SERPINB7: variants seen among roughly 807,000 people sequenced by gnomAD.
SERPINB7 encodes serpin family B member 7.
SERPINB7 carries 31 observed loss-of-function variants against 37.4 expected under a neutral mutation model. The ratio of observed to expected loss-of-function variants is 0.83; its 90% CI spans 0.62 to 1.12. The LOEUF (loss-of-function observed/expected upper bound fraction) is 1.12. Among genes scored for constraint, SERPINB7 ranks in the 50% most tolerant of loss-of-function variants. The pLI is 0.00. For synonymous variants in SERPINB7, 163 were observed against 166.1 expected, an observed-to-expected ratio of 0.98 and a Z score of 0.14; for missense variants, 521 against 455.3, an observed-to-expected ratio of 1.14 and a Z score of -1.31.
chr18:63,763,018 G>A (rs1005259210), intron 1 of SERPINB7, among the ~76,000 whole-genome samples: 5 of 152,110 alleles, frequency 3.3e-5, no homozygotes, highest in Non-Finnish European at 7.4e-5. Flanking sequence ...CTCAGTAAAA[G>A]GGGGGTTTCA....
At chr18:63,786,515 A>G (rs2049374763) in intron 2 of SERPINB7, among the ~76,000 whole-genome samples, 1 of 152,210 alleles carries the variant, frequency 6.6e-6, no homozygotes, top group African/African-American at 2.4e-5. Context: ...AAAAATAATC[A>G]CTATAATATA....
chr18:63,797,008 T>A (rs368782455), intron 5 of SERPINB7, among the ~76,000 whole-genome samples: 1 of 152,210 alleles, frequency 6.6e-6, no homozygotes, highest in Non-Finnish European at 1.5e-5. Context: ...ACAAAGGTAG[T>A]ACCTTCCAGA....
chr18:63,760,706 GA>G (rs1489743937), intron 1 of SERPINB7, among the ~76,000 whole-genome samples: 1 of 152,212 alleles, frequency 6.6e-6, no homozygotes, highest in Non-Finnish European at 1.5e-5. Context: ...AGCAGTGGCT[GA>G]AAGGGGCCAA....
intron 1 of SERPINB7, among the ~76,000 whole-genome samples, chr18:63,754,831 GAA>G (rs2049111125): frequency 6.7e-6 from 1 of 148,940 alleles, no homozygotes; most frequent in African/African-American, 2.5e-5. Context: ...GACAGGCAGG[GAA>G]AATGTCCTAA....
chr18:63,788,850 T>A (rs2049398485), intron 2 of SERPINB7, among the ~76,000 whole-genome samples: 1 of 152,232 alleles, frequency 6.6e-6, no homozygotes, highest in South Asian at 2.1e-4. Flanking sequence ...CAGGTTTGTA[T>A]TTGGGAGCAA....
intron 2 of SERPINB7, among the ~76,000 whole-genome samples, chr18:63,784,344 G>A (rs373498232): frequency 3.3e-5 from 5 of 152,018 alleles, no homozygotes; most frequent in East Asian, 3.9e-4. Flanking sequence ...ACAACTACCC[G>A]CAGCATACCC....
chr18:63,784,140 G>A (rs1161520702), intron 2 of SERPINB7, among the ~76,000 whole-genome samples: 1 of 152,166 alleles, frequency 6.6e-6, no homozygotes, highest in African/African-American at 2.4e-5. Flanking sequence ...ACTGAAGTGG[G>A]AATATTACCC....
chr18:63,785,127 C>T (rs2049351392), intron 2 of SERPINB7, among the ~76,000 whole-genome samples: 1 of 152,210 alleles, frequency 6.6e-6, no homozygotes, highest in African/African-American at 2.4e-5. Context: ...CAACTACAGA[C>T]ACAAAAACAT....
intron 4 of SERPINB7, among the ~76,000 whole-genome samples, chr18:63,793,719 T>C (rs1209985889): frequency 6.6e-6 from 1 of 152,206 alleles, no homozygotes; most frequent in African/African-American, 2.4e-5. Flanking sequence ...CAGATTGGTC[T>C]TGAACCCCTG....
chr18:63,760,404 G>T (rs1027325923), intron 1 of SERPINB7, among the ~76,000 whole-genome samples: 4 of 152,300 alleles, frequency 2.6e-5, no homozygotes, highest in Non-Finnish European at 4.4e-5. Flanking sequence ...AAGGGAAGCA[G>T]AGCAAAAAGT....
chr18:63,803,383 T>C (rs2049570611), intron 7 of SERPINB7, among the ~76,000 whole-genome samples: 1 of 152,182 alleles, frequency 6.6e-6, no homozygotes, highest in African/African-American at 2.4e-5. Context: ...AAATTTAATA[T>C]CAGTAAAAAG....
At chr18:63,771,991 G>A (rs2049214123), upstream of SERPINB7, among the ~76,000 whole-genome samples, 1 of 151,574 alleles carries the variant, frequency 6.6e-6, no homozygotes, top group Non-Finnish European at 1.5e-5. Context: ...TTTAAGTTCA[G>A]GAATACATGT....
At chr18:63,783,000 T>C (rs1342614591) in intron 2 of SERPINB7, among the ~76,000 whole-genome samples, 1 of 151,208 alleles carries the variant, frequency 6.6e-6, no homozygotes, top group Non-Finnish European at 1.5e-5. Flanking sequence ...TAGCCGGGCA[T>C]GGTGGCGGGC....
intron 1 of SERPINB7, among the ~76,000 whole-genome samples, 180 bp downstream of exon 1, chr18:63,775,896 G>A (rs1288128958): frequency 2.0e-5 from 3 of 152,086 alleles, no homozygotes; most frequent in African/African-American, 4.8e-5. Flanking sequence ...TTTTCTGGTG[G>A]GGCAGCTTTT....
At chr18:63,772,099 C>T (rs1007526796), upstream of SERPINB7, among the ~76,000 whole-genome samples, 3 of 151,594 alleles carry the variant, frequency 2.0e-5, no homozygotes, top group East Asian at 1.9e-4. Context: ...GGCTGGAGGG[C>T]GGGAGAAGGG....
At chr18:63,792,767 G>T (rs2049442951) in intron 3 of SERPINB7, among the ~76,000 whole-genome samples, 1 of 152,088 alleles carries the variant, frequency 6.6e-6, no homozygotes, top group South Asian at 2.1e-4. Flanking sequence ...TAAAATTTTT[G>T]ATAATTTACT....
At chr18:63,768,296 C>CT (rs913527019) in intron 1 of SERPINB7, among the ~76,000 whole-genome samples, 1 of 151,818 alleles carries the variant, frequency 6.6e-6, no homozygotes, top group East Asian at 1.9e-4. Flanking sequence ...TCATTCTACC[C>CT]TTTTTTTCTT....
At chr18:63,757,869 C>A (rs2049130483) in intron 1 of SERPINB7, among the ~76,000 whole-genome samples, 1 of 152,194 alleles carries the variant, frequency 6.6e-6, no homozygotes, top group South Asian at 2.1e-4. Flanking sequence ...ATCTAGTTTA[C>A]CTTCCTAGGT....
chr18:63,768,501 C>A (rs1377201436), intron 1 of SERPINB7, among the ~76,000 whole-genome samples: 1 of 152,104 alleles, frequency 6.6e-6, no homozygotes, highest in Non-Finnish European at 1.5e-5. Context: ...GTCTTACAAA[C>A]TCCACTCATT....
Sources: allele counts gnomAD v4.1 joint callset (sites outside exome capture counted in the v4.1 genomes callset), GRCh38; gene constraint gnomAD v4.1.1; transcripts MANE v1.5; gene names NCBI Gene and HGNC (gene_info 2026-07-23, HGNC 2026-07-21).